POMK: variants seen among roughly 807,000 people sequenced by gnomAD.
POMK encodes protein O-mannose kinase.
POMK carries 19 observed loss-of-function variants against 23.0 expected under a neutral mutation model. The ratio of observed to expected loss-of-function variants is 0.83; its 90% CI spans 0.58 to 1.21. The LOEUF is 1.21. Among genes scored for constraint, POMK ranks in the 50% most tolerant of loss-of-function variants. POMK has a pLI of 0.00. For missense variants in POMK, 410 were observed against 431.3 expected, an observed-to-expected ratio of 0.95 and a Z score of 0.44; for synonymous variants, 173 against 171.6, an observed-to-expected ratio of 1.01 and a Z score of -0.06.
At chr8:43,113,726 C>T (rs575161341) in intron 4 of POMK, among the ~76,000 whole-genome samples, 27 of 152,166 alleles carry the variant, frequency 1.8e-4, no homozygotes, top group South Asian at 1.2e-3. Context: ...CTGTTTTTTC[C>T]CCATCTTTGT....
chr8:43,122,380 G>T lies in POMK; in HGVS notation c.556G>T (p.Val186Phe), dbSNP rs1241051300. Residue 186 changes from valine to phenylalanine, a missense_variant, in exon 5 of 5, where the codon GTC becomes TTC. By Grantham distance (50) the Val-to-Phe change is conservative (BLOSUM62 -1). Coordinates refer to ENST00000331373, the MANE Select transcript of POMK (RefSeq NM_032237.5). ...CAGGCTGGAGCTGGCCATGGACTATGTCAGCATCATTAATTACCTGCACCA... is the reference window on the plus strand; with the variant it reads ...CAGGCTGGAGCTGGCCATGGACTATTTCAGCATCATTAATTACCTGCACCA... ...QHRLELAMDYVSIINYLHHSP... is the reference protein window; with the variant it reads ...QHRLELAMDYFSIINYLHHSP... 1.2e-6 allele frequency: 2 copies of T among 1,614,074 alleles called. 1 individual carries two copies. Among genetic ancestry groups the T allele is most frequent in the Admixed American group, 3.3e-5 (2 of 60,000 alleles).
chr8:43,095,274 A>G (rs1811311893), intron 1 of POMK, among the ~76,000 whole-genome samples: 1 of 152,246 alleles, frequency 6.6e-6, no homozygotes, highest in African/African-American at 2.4e-5. Flanking sequence ...AATGGGAATA[A>G]CAACAATTAC....
At chr8:43,111,965 G>A (rs1248681049) in intron 4 of POMK, among the ~76,000 whole-genome samples, 4 of 152,112 alleles carry the variant, frequency 2.6e-5, no homozygotes, top group Non-Finnish European at 5.9e-5. Flanking sequence ...CAAAGATGGG[G>A]AAAAAACAGA....
rs1811944709 is a variant in POMK, at chr8:43,122,617, G to A, written c.793G>A (p.Asp265Asn). ...AGAGCAACTGTGGCCCTATGGAGAG[G>A]ACGTGCCTTTCCACGATGATCTCAT... is the stretch of plus-strand genomic sequence containing the variant. ...APEQLWPYGE[D>N]VPFHDDLMPS... The change falls in exon 5 of 5, where the codon GAC (aspartate) becomes AAC (asparagine). Residue 265 changes from aspartate (D) to asparagine (N), a missense_variant. Asp to Asn is a conservative substitution (Grantham distance 23). Coordinates refer to ENST00000331373, the MANE Select transcript of POMK (RefSeq NM_032237.5). The A allele has an allele frequency of 6.2e-7, 1 of 1,614,116 alleles. No individual in the cohort carries two copies. The highest frequency in any genetic ancestry group is 8.5e-7 in the Non-Finnish European group (1 of 1,180,054).
At chr8:43,109,256 A>G (rs926212471) in intron 4 of POMK, among the ~76,000 whole-genome samples, 3 of 152,186 alleles carry the variant, frequency 2.0e-5, no homozygotes, top group African/African-American at 7.2e-5. Flanking sequence ...AAAAGGAAAA[A>G]CCATTATTCT....
At chr8:43,100,904 C>T (rs761656581) in intron 2 of POMK, among the ~76,000 whole-genome samples, 6 of 151,964 alleles carry the variant, frequency 3.9e-5, no homozygotes, top group Middle Eastern at 3.4e-3. Flanking sequence ...AAGGGGCAGC[C>T]GGATGGTTTA....
intron 4 of POMK, among the ~76,000 whole-genome samples, chr8:43,118,207 A>G (rs1811839977): frequency 6.6e-6 from 1 of 152,212 alleles, no homozygotes; most frequent in South Asian, 2.1e-4. Context: ...TTATGCCCAC[A>G]CTATGAAACA....
intron 4 of POMK, among the ~76,000 whole-genome samples, chr8:43,112,990 A>G (rs1472110643): frequency 6.6e-6 from 1 of 152,236 alleles, no homozygotes; most frequent in Non-Finnish European, 1.5e-5. Flanking sequence ...CAAGGCTAGG[A>G]AGAAACTGCA....
At chr8:43,095,543 T>TCC (rs1170899530) in intron 1 of POMK, among the ~76,000 whole-genome samples, 1 of 151,972 alleles carries the variant, frequency 6.6e-6, no homozygotes, top group African/African-American at 2.4e-5. Flanking sequence ...ATTTCTAGAG[T>TCC]CCCACAGAGT....
At chr8:43,112,348 G>A (rs1228527172) in intron 4 of POMK, among the ~76,000 whole-genome samples, 2 of 152,160 alleles carry the variant, frequency 1.3e-5, no homozygotes, top group African/African-American at 2.4e-5. Context: ...GAAATGAAGC[G>A]TGAAGAGAAG....
intron 4 of POMK, among the ~76,000 whole-genome samples, chr8:43,115,252 A>T (rs551577984): frequency 2.8e-4 from 43 of 151,814 alleles, no homozygotes; most frequent in African/African-American, 1.0e-3. Flanking sequence ...CTAATCCTGG[A>T]CCTCTCGTCT....
chr8:43,114,134 T>C (rs1811742889), intron 4 of POMK, among the ~76,000 whole-genome samples: 1 of 152,218 alleles, frequency 6.6e-6, no homozygotes, highest in Non-Finnish European at 1.5e-5. Flanking sequence ...ACTGCTCTCT[T>C]CAAAGCTGTC....
chr8:43,107,577 G>A (rs1244390954), intron 4 of POMK, among the ~76,000 whole-genome samples: 1 of 152,018 alleles, frequency 6.6e-6, no homozygotes, highest in African/African-American at 2.4e-5. Flanking sequence ...GTTTCACCAC[G>A]TTGGTCAGGC....
intron 4 of POMK, among the ~76,000 whole-genome samples, chr8:43,117,207 C>T (rs1016786527): frequency 6.6e-6 from 1 of 152,228 alleles, no homozygotes; most frequent in African/African-American, 2.4e-5. Context: ...GGCAAATTCA[C>T]TTCTTTTGTG....
chr8:43,099,934 C>T (rs1219615635), intron 2 of POMK, among the ~76,000 whole-genome samples: 5 of 152,140 alleles, frequency 3.3e-5, no homozygotes, highest in Non-Finnish European at 7.4e-5. Flanking sequence ...AGAGTGTGAG[C>T]TTCCAGCTAG....
chr8:43,103,500 T>A, intron 3 of POMK, 28 bp from the exon 4 acceptor site: 1 of 1,603,980 alleles, frequency 6.2e-7, no homozygotes. Context: ...CTGACTGTCA[T>A]GACTTCTTGT....
At chr8:43,117,069 T>C (rs1811816281) in intron 4 of POMK, among the ~76,000 whole-genome samples, 1 of 152,220 alleles carries the variant, frequency 6.6e-6, no homozygotes, top group Non-Finnish European at 1.5e-5. Context: ...TTTCACAAGG[T>C]AATGTCATCG....
intron 3 of POMK, 146 bp from the exon 4 acceptor site, chr8:43,103,382 C>T: frequency 1.4e-6 from 1 of 713,638 alleles, no homozygotes; most frequent in Non-Finnish European, 2.4e-6. Flanking sequence ...TTGGGATAAG[C>T]CTGGTGTTCG....
At chr8:43,104,447 T>C (rs1285133023) in intron 4 of POMK, among the ~76,000 whole-genome samples, 1 of 152,136 alleles carries the variant, frequency 6.6e-6, no homozygotes, top group African/African-American at 2.4e-5. Flanking sequence ...AAGAGTGCCA[T>C]AGTGATAGAA....
Sources: gnomAD v4.1 joint callset for allele counts (sites outside exome capture counted in the v4.1 genomes callset) on GRCh38, gnomAD v4.1.1 for gene constraint, MANE v1.5 for transcripts, NCBI Gene and HGNC (gene_info 2026-07-23, HGNC 2026-07-21) for gene names.